NUCKS1: variants seen among roughly 807,000 people sequenced by gnomAD.
NUCKS1 encodes the protein nuclear casein kinase and cyclin dependent kinase substrate 1, also known as nuclear ubiquitous casein and cyclin-dependent kinase substrate 1.
Under a neutral mutation model 33.0 loss-of-function variants are expected in NUCKS1, and 2 were observed. The ratio of observed to expected loss-of-function variants is 0.06; its 90% CI spans 0.02 to 0.19. The LOEUF (loss-of-function observed/expected upper bound fraction) is 0.19, where lower values mean the gene tolerates loss of function less well. NUCKS1 is among the 10% of genes least tolerant of loss of function. The probability of loss-of-function intolerance (pLI) is 1.00; values close to 1 mark genes in which losing one functional copy is unlikely to be tolerated. For missense variants in NUCKS1, 201 were observed against 293.6 expected, an observed-to-expected ratio of 0.68 and a Z score of 2.31; for synonymous variants, 106 against 102.8, an observed-to-expected ratio of 1.03 and a Z score of -0.19.
Position 205,723,914 on chromosome 1 carries a change from A to G in NUCKS1, c.229+12T>C, listed in dbSNP as rs1297311413. On this transcript the variant is annotated intron_variant, in intron 4 of 6. Transcript: ENST00000367142. ...TATAATTATACCTCTTACATTTAAAATAGTTTACTACCTGCTGAGTGAGAA... is the reference window on the plus strand; with the variant it reads ...TATAATTATACCTCTTACATTTAAAGTAGTTTACTACCTGCTGAGTGAGAA... 1 of 1,565,146 alleles carries G rather than the reference A, an allele frequency of 6.4e-7. No individual in the cohort carries two copies. The highest frequency in any genetic ancestry group is 1.1e-5 in the South Asian group (1 of 89,750).
intron 1 of NUCKS1, among the ~76,000 whole-genome samples, chr1:205,747,938 T>G (rs74143849): frequency 0.017 from 2,609 of 151,948 alleles, 57 homozygotes; most frequent in African/African-American, 0.045. Flanking sequence ...AAAGAATTTA[T>G]GACTAAAATA....
rs1671854505 is a variant in NUCKS1, at chr1:205,718,034, A to C, written c.*246T>G. 8.8e-7 allele frequency: 1 copy of C among 1,131,554 alleles called. No homozygotes were observed. Among genetic ancestry groups the C allele is most frequent in the South Asian group, 3.8e-5 (1 of 26,514 alleles). The allele number at this position is 1,131,554 out of a possible 1,614,324, so 70.1% of individuals were successfully genotyped here. A position where few individuals can be genotyped will look rare whatever the true frequency, so the allele number is the denominator to read the frequency against. On this transcript the variant is annotated 3_prime_UTR_variant, in exon 7 of 7. Transcript: ENST00000367142. ...GGGAAAGGGGAGGGCTGGCAAAGAG[A>C]CCAATAGACAAAAAGGTAACTTAAA... is the stretch of plus-strand genomic sequence containing the variant.
At chr1:205,746,449 T>TCACACA (rs1443830898) in intron 1 of NUCKS1, among the ~76,000 whole-genome samples, 1 of 108,078 alleles carries the variant, frequency 9.3e-6, no homozygotes, top group East Asian at 4.0e-4. Context: ...TCTCTCTCTC[T>TCACACA]CTCTCACACA....
rs11547784 is a variant in NUCKS1 at position 205,715,346 on chromosome 1, C to A, written c.*2934G>T. 8 of 152,204 alleles carry A rather than the reference C, an allele frequency of 5.3e-5. No homozygotes were observed. Among genetic ancestry groups the A allele is most frequent in the Non-Finnish European group, 1.0e-4 (7 of 68,026 alleles). The allele number at this position is 152,204 out of a possible 1,614,324, so 9.4% of individuals were successfully genotyped here. ...GATTAGAAGATGTCCACACTCTTTGCATTACCTCCCTAAAGGAGGAAACAC... is the reference window on the plus strand; with the variant it reads ...GATTAGAAGATGTCCACACTCTTTGAATTACCTCCCTAAAGGAGGAAACAC... On this transcript the variant is annotated 3_prime_UTR_variant, in exon 7 of 7. Transcript: ENST00000367142.
At chr1:205,736,982 TTA>T (rs764564762) in intron 1 of NUCKS1, among the ~76,000 whole-genome samples, 3 of 152,180 alleles carry the variant, frequency 2.0e-5, no homozygotes, top group Non-Finnish European at 2.9e-5. Context: ...TTCCTTAAAT[TTA>T]TATGACTATT....
chr1:205,726,223 A>ACAAG (rs1250863179), intron 3 of NUCKS1, among the ~76,000 whole-genome samples: 1 of 152,052 alleles, frequency 6.6e-6, no homozygotes, highest in East Asian at 1.9e-4. Context: ...AAACAAACAA[A>ACAAG]AAACTGTTTT....
In NUCKS1 at chr1:205,713,265, T is replaced by C. The variant is rs1671773875; in HGVS notation, c.*5015A>G. ...AAAAAGTTTACAAAAGAAAAAAAGA[T>C]ACAGAAAAAGAATAACTTGCTTCAT... On this transcript the variant is annotated 3_prime_UTR_variant, in exon 7 of 7. Coordinates refer to ENST00000367142, the MANE Select transcript of NUCKS1 (RefSeq NM_022731.5). 6.6e-6 allele frequency: 1 copy of C among 151,828 alleles called. No individual in the cohort carries two copies. The highest frequency in any genetic ancestry group is 2.1e-4 in the South Asian group (1 of 4,794). The allele number at this position is 151,828 out of a possible 1,614,324, so 9.4% of individuals were successfully genotyped here.
rs892759736 is a variant in NUCKS1 at position 205,714,669 on chromosome 1, A to T, written c.*3611T>A. On this transcript the variant is annotated 3_prime_UTR_variant, in exon 7 of 7. Transcript: ENST00000367142. ...TCCATTTTCAAGTAAATCCAGCTTC[A>T]TCCACAGAGAAACAGACAATTTTCT... is the stretch of plus-strand genomic sequence containing the variant. The T allele has an allele frequency of 2.0e-5, 3 of 152,228 alleles. No individual in the cohort carries two copies. The highest frequency in any genetic ancestry group is 6.5e-5 in the Admixed American group (1 of 15,282). 9.4% of individuals were successfully genotyped at this position (152,228 alleles called of 1,614,324 possible).
chr1:205,742,943 T>C (rs1654216801), intron 1 of NUCKS1, among the ~76,000 whole-genome samples: 2 of 152,242 alleles, frequency 1.3e-5, no homozygotes, highest in Non-Finnish European at 2.9e-5. Context: ...AAGCTACTTC[T>C]GAATTTAGAG....
chr1:205,744,904 T>C (rs1275068511), intron 1 of NUCKS1, among the ~76,000 whole-genome samples: 2 of 152,196 alleles, frequency 1.3e-5, no homozygotes, highest in East Asian at 3.8e-4. Context: ...AGTGCTGGGA[T>C]TACAGGCATG....
intron 1 of NUCKS1, among the ~76,000 whole-genome samples, 176 bp from the exon 2 acceptor site, chr1:205,729,797 G>C (rs1653863526): frequency 6.6e-6 from 1 of 152,122 alleles, no homozygotes; most frequent in African/African-American, 2.4e-5. Flanking sequence ...CAAGGCTGGT[G>C]GATCATCTGA....
At chr1:205,733,906 T>G (rs1653976036) in intron 1 of NUCKS1, among the ~76,000 whole-genome samples, 1 of 152,172 alleles carries the variant, frequency 6.6e-6, no homozygotes, top group African/African-American at 2.4e-5. Flanking sequence ...AGACAGGGTC[T>G]TGTTCTGTCA....
intron 1 of NUCKS1, among the ~76,000 whole-genome samples, chr1:205,742,464 A>G (rs889332375): frequency 1.3e-5 from 2 of 152,198 alleles, no homozygotes; most frequent in African/African-American, 4.8e-5. Context: ...GACAGCAATA[A>G]TTTTTTCCCA....
At chr1:205,741,344 C>T (rs1654169197) in intron 1 of NUCKS1, among the ~76,000 whole-genome samples, 1 of 146,914 alleles carries the variant, frequency 6.8e-6, no homozygotes, top group Non-Finnish European at 1.5e-5. Flanking sequence ...GAAAAAGTCA[C>T]ATACAAATTT....
rs1419084738 is a variant in NUCKS1 at position 205,715,003 on chromosome 1, G to A, written c.*3277C>T. 1 of 151,878 alleles carries A rather than the reference G, an allele frequency of 6.6e-6. No homozygotes were observed. The highest frequency in any genetic ancestry group is 2.4e-5 in the African/African-American group (1 of 41,328). The allele number at this position is 151,878 out of a possible 1,614,324, so 9.4% of individuals were successfully genotyped here. A position where few individuals can be genotyped will look rare whatever the true frequency, so the allele number is the denominator to read the frequency against. ...TTGCCTAACGCTCTCAAAGCATCTC[G>A]TAAACTGAAGTTTAAAGAAAAGCAC... On this transcript the variant is annotated 3_prime_UTR_variant, in exon 7 of 7. Transcript: ENST00000367142.
intron 2 of NUCKS1, among the ~76,000 whole-genome samples, chr1:205,728,920 C>T (rs569895650): frequency 1.3e-5 from 2 of 151,780 alleles, no homozygotes; most frequent in Non-Finnish European, 2.9e-5. Flanking sequence ...GATTTTTTTT[C>T]CCCTGCAAAG....
In NUCKS1 at chr1:205,714,483, G is replaced by C. The variant is rs935710343; in HGVS notation, c.*3797C>G. On this transcript the variant is annotated 3_prime_UTR_variant, in exon 7 of 7. Coordinates refer to ENST00000367142, the MANE Select transcript of NUCKS1 (RefSeq NM_022731.5). ...GTTATTACACAGTCAGCACCACTGT[G>C]AATTTTGTGAATTTGAAAAAAAAAA... is the stretch of plus-strand genomic sequence containing the variant. The C allele has an allele frequency of 6.6e-6, 1 of 151,304 alleles. No homozygotes were observed. The highest frequency in any genetic ancestry group is 2.4e-5 in the African/African-American group (1 of 41,158). 9.4% of individuals were successfully genotyped at this position (151,304 alleles called of 1,614,324 possible). A position where few individuals can be genotyped will look rare whatever the true frequency, so the allele number is the denominator to read the frequency against.
chr1:205,734,402 CAT>C (rs1400961402), intron 1 of NUCKS1, among the ~76,000 whole-genome samples: 3 of 152,038 alleles, frequency 2.0e-5, no homozygotes, highest in Non-Finnish European at 4.4e-5. Flanking sequence ...AGAATGATCT[CAT>C]ATGCCATTTA....
rs1348221154 is a variant in NUCKS1 at position 205,730,867 on chromosome 1, G to A, written c.18-1246C>T. Among the ~76,000 whole-genome samples the A allele has an allele frequency of 3.3e-5, 5 of 152,116 alleles. No homozygotes were observed. In the East Asian group the frequency reaches 9.6e-4, roughly 29 times the overall value. On this transcript the variant is annotated intron_variant, in intron 1 of 6. Coordinates refer to ENST00000367142, the MANE Select transcript of NUCKS1 (RefSeq NM_022731.5). Reference sequence around the variant, plus strand: ...ACAGCAAAATGAGCCAAATCACCATGTACCTATGTATTCATTATATACAAA... The same window carrying A: ...ACAGCAAAATGAGCCAAATCACCATATACCTATGTATTCATTATATACAAA...
Sources: allele counts gnomAD v4.1 joint callset (sites outside exome capture counted in the v4.1 genomes callset), GRCh38; gene constraint gnomAD v4.1.1; transcripts MANE v1.5; gene names NCBI Gene and HGNC (gene_info 2026-07-23, HGNC 2026-07-21).